Variants in KIF6 observed in about 807,000 individuals in gnomAD.
The protein encoded by KIF6 is kinesin family member 6.
In KIF6, 106 loss-of-function variants were observed where a neutral mutation model predicts 112.7. The ratio of observed to expected loss-of-function variants is 0.94; its 90% CI spans 0.80 to 1.11. The LOEUF is 1.11. KIF6 is among the 50% of genes least tolerant of loss of function. KIF6 has a pLI of 0.00. For missense variants in KIF6, 929 were observed against 964.0 expected (o/e 0.96, Z 0.48); for synonymous variants, 339 against 339.9 (o/e 1.00, Z 0.03).
chr6:39,493,866 G>A lies in KIF6; in HGVS notation c.1645+46137C>T, dbSNP rs148262769. Among the ~76,000 whole-genome samples, 803 of 152,276 alleles carry A rather than the reference G, an allele frequency of 5.3e-3. 5 individuals are homozygous for A. The highest frequency in any genetic ancestry group is 7.1e-3 in the Non-Finnish European group (483 of 68,018). ...TTGCAGTAAGATGGAGTTCAACTAGGAGCTCCTCCTGGCTTTCAGAGCCTT... is the reference window on the plus strand; with the variant it reads ...TTGCAGTAAGATGGAGTTCAACTAGAAGCTCCTCCTGGCTTTCAGAGCCTT... On this transcript the variant is annotated intron_variant, in intron 13 of 22. Coordinates refer to ENST00000287152, the MANE Select transcript of KIF6 (RefSeq NM_145027.6).
chr6:39,366,657 A>G (rs1765576460), intron 16 of KIF6, among the ~76,000 whole-genome samples: 1 of 152,198 alleles, frequency 6.6e-6, no homozygotes, highest in African/African-American at 2.4e-5. Context: ...CAGAATGTGC[A>G]ACAGTAAGTG....
chr6:39,592,873 G>T (rs757945603), intron 7 of KIF6, among the ~76,000 whole-genome samples: 2 of 152,114 alleles, frequency 1.3e-5, no homozygotes, highest in Non-Finnish European at 2.9e-5. Flanking sequence ...CACAGTTATG[G>T]CCAAAAGAGT....
intron 5 of KIF6, among the ~76,000 whole-genome samples, chr6:39,628,094 T>C (rs971518741): frequency 6.6e-6 from 1 of 152,134 alleles, no homozygotes; most frequent in African/African-American, 2.4e-5. Flanking sequence ...CTATAAGAAA[T>C]AATTCAGGGA....
chr6:39,620,502 A>T (rs1269494688), intron 5 of KIF6: 1 of 152,168 alleles, frequency 6.6e-6, no homozygotes, highest in Non-Finnish European at 1.5e-5. Context: ...TACATTTTAA[A>T]AGTTCTGAAT....
chr6:39,634,869 G>A lies in KIF6; in HGVS notation c.489C>T (p.Ala163=), dbSNP rs776825313. 8 of 1,606,966 alleles carry A rather than the reference G, an allele frequency of 5.0e-6. No individual in the cohort carries two copies. Among genetic ancestry groups the A allele is most frequent in the South Asian group, 4.4e-5 (4 of 90,900 alleles). ...GYDLLDPRHE[A]SSLEDLPKVT... is the part of the protein sequence containing the mutation. The stretch of plus-strand genomic sequence containing the variant: ...CTCACGGCAAATCTTCCAAACTGGA[G>A]GCTTCATGTCTTGGATCCAAAAGAT... Residue 163 remains alanine, a synonymous_variant, in exon 5 of 23, where the codon GCC becomes GCT. Transcript: ENST00000287152.
At chr6:39,688,495 C>G (rs1049050993) in intron 3 of KIF6, among the ~76,000 whole-genome samples, 1 of 152,114 alleles carries the variant, frequency 6.6e-6, no homozygotes, top group Non-Finnish European at 1.5e-5. Flanking sequence ...TAGAAGTTCA[C>G]ATGAATAGAA....
intron 19 of KIF6, among the ~76,000 whole-genome samples, chr6:39,356,455 A>G (rs1173459716): frequency 1.3e-5 from 2 of 152,064 alleles, no homozygotes; most frequent in African/African-American, 2.4e-5. Context: ...TAGTAGAGAC[A>G]GGCTTCCCCA....
At chr6:39,477,208 C>A (rs1376884238) in intron 13 of KIF6, among the ~76,000 whole-genome samples, 7 of 152,078 alleles carry the variant, frequency 4.6e-5, no homozygotes, top group Non-Finnish European at 1.0e-4. Context: ...TGAGAACCCC[C>A]TGTGTTGACA....
chr6:39,349,084 G>C (rs1764014041), intron 19 of KIF6, among the ~76,000 whole-genome samples: 1 of 152,204 alleles, frequency 6.6e-6, no homozygotes, highest in Non-Finnish European at 1.5e-5. Context: ...TCAATAAAGG[G>C]GACTTGTTGG....
chr6:39,435,244 T>C (rs1771440901), intron 13 of KIF6, among the ~76,000 whole-genome samples: 1 of 152,194 alleles, frequency 6.6e-6, no homozygotes. Context: ...ATCTAAAATG[T>C]TGATTTATTT....
chr6:39,357,072 G>C (rs1336106287), intron 19 of KIF6, among the ~76,000 whole-genome samples: 2 of 152,190 alleles, frequency 1.3e-5, no homozygotes, highest in South Asian at 2.1e-4. Context: ...CTGGCTGTCA[G>C]AGTGAGGGAC....
chr6:39,389,445 G>A (rs1562164492), intron 15 of KIF6, among the ~76,000 whole-genome samples: 1 of 152,052 alleles, frequency 6.6e-6, no homozygotes, highest in Non-Finnish European at 1.5e-5. Flanking sequence ...ATCTACTATC[G>A]GTTAAGCACT....
In KIF6 at chr6:39,343,212, C is replaced by A; in HGVS notation, c.2428+497G>T. The stretch of plus-strand genomic sequence containing the variant: ...CTTCTCTTCCTGTTGTCTGACACGC[C>A]ACTCTTACTTCCTCTGTGATTGTTA... On this transcript the variant is annotated intron_variant, in intron 22 of 22. Coordinates refer to ENST00000287152, the MANE Select transcript of KIF6 (RefSeq NM_145027.6). The surrounding 1 kb of genome is among the most constrained non-coding windows in gnomAD (Gnocchi z 4.1). 2 of 1,219,574 alleles carry A rather than the reference C, an allele frequency of 1.6e-6. No individual in the cohort carries two copies. Among genetic ancestry groups the A allele is most frequent in the Non-Finnish European group, 2.1e-6 (2 of 957,022 alleles). The allele number at this position is 1,219,574 out of a possible 1,614,324, so 75.5% of individuals were successfully genotyped here.
chr6:39,357,750 T>C (rs1764825002), intron 18 of KIF6, among the ~76,000 whole-genome samples: 1 of 152,068 alleles, frequency 6.6e-6, no homozygotes, highest in South Asian at 2.1e-4. Flanking sequence ...TACCCGGCCT[T>C]GATGTAATTC....
intron 12 of KIF6, among the ~76,000 whole-genome samples, chr6:39,543,241 G>A (rs2150567289): frequency 6.6e-6 from 1 of 152,294 alleles, no homozygotes; most frequent in Non-Finnish European, 1.5e-5. Flanking sequence ...AAGAAACAGA[G>A]CTCAGACTGG....
At position 39,346,293 on chromosome 6, in the gene KIF6, AT is replaced by A. The variant is rs1467347498; in HGVS notation, c.2231+182del. 4.6e-5 allele frequency: 32 copies of A among 692,632 alleles called. 1 individual carries two copies. The Middle Eastern group carries it at 3.4e-3, about 73-fold the overall frequency. The allele number at this position is 692,632 out of a possible 1,614,324, so 42.9% of individuals were successfully genotyped here. On this transcript the variant is annotated intron_variant, in intron 20 of 22. Transcript: ENST00000287152. Reference sequence around the variant, plus strand: ...CCTGAAAAGTCATGTGTTGAACCTAATCTCCAATGTAATGGTAGTAGAGGTG... The same window carrying A: ...CCTGAAAAGTCATGTGTTGAACCTAACTCCAATGTAATGGTAGTAGAGGTG...
intron 3 of KIF6, among the ~76,000 whole-genome samples, chr6:39,664,918 A>G (rs1182646169): frequency 6.6e-6 from 1 of 152,230 alleles, no homozygotes; most frequent in Non-Finnish European, 1.5e-5. Context: ...GAGAAACACA[A>G]AAACATGACA....
At chr6:39,668,550 T>C (rs1786616642) in intron 3 of KIF6, among the ~76,000 whole-genome samples, 1 of 152,178 alleles carries the variant, frequency 6.6e-6, no homozygotes, top group African/African-American at 2.4e-5. Context: ...TCATTCAGGC[T>C]TTGCTTGAAT....
At chr6:39,583,392 T>C (rs1053078413) in intron 9 of KIF6, 8 of 471,348 alleles carry the variant, frequency 1.7e-5, no homozygotes, top group African/African-American at 1.4e-4. Context: ...GTGATGCTGA[T>C]ACCTGACCAG....
Sources: gnomAD v4.1 joint callset for allele counts (sites outside exome capture counted in the v4.1 genomes callset) on GRCh38, gnomAD v4.1.1 for gene constraint, Gnocchi (gnomAD v3.1) non-coding constraint, MANE v1.5 for transcripts, NCBI Gene and HGNC (gene_info 2026-07-23, HGNC 2026-07-21) for gene names.